The following PCDHA7 variants were observed in gnomAD, a reference collection of about 807,000 sequenced individuals.
PCDHA7 encodes protocadherin alpha 7, also known as protocadherin alpha-7.
In PCDHA7, 37 loss-of-function variants were observed where a neutral mutation model predicts 57.2. That is an observed-to-expected ratio of 0.65 (90% confidence interval 0.50 to 0.85). The LOEUF is 0.85. PCDHA7 is among the 40% of genes least tolerant of loss of function. The probability of loss-of-function intolerance (pLI) is 0.00; values close to 1 mark genes in which losing one functional copy is unlikely to be tolerated. For synonymous variants in PCDHA7, 553 were observed against 558.8 expected (o/e 0.99, Z 0.15); for missense variants, 1,188 against 1,241.8 (o/e 0.96, Z 0.65).
Position 140,868,882 on chromosome 5 carries a change from T to A in PCDHA7, c.2355+32144T>A. On this transcript the variant is annotated intron_variant, in intron 1 of 3. Transcript: ENST00000525929. Reference sequence around the variant, plus strand: ...TAAATGCAGTGCACAGTACTCACAGTTTTAGGCGCAAGGTGTCGCTCTTTA... The same window carrying A: ...TAAATGCAGTGCACAGTACTCACAGATTTAGGCGCAAGGTGTCGCTCTTTA... 4 of 715,192 alleles carry A rather than the reference T, an allele frequency of 5.6e-6. No homozygotes were observed. In the South Asian group the frequency reaches 8.5e-5, roughly 15 times the overall value. 44.3% of individuals were successfully genotyped at this position (715,192 alleles called of 1,614,324 possible).
chr5:140,898,808 C>T (rs1318586303), intron 1 of PCDHA7, among the ~76,000 whole-genome samples: 2 of 152,188 alleles, frequency 1.3e-5, no homozygotes, highest in Non-Finnish European at 2.9e-5. Context: ...GATACTGATT[C>T]TTCCTACCCA....
intron 1 of PCDHA7, chr5:140,862,804 C>A: frequency 5.2e-6 from 3 of 574,138 alleles, no homozygotes; most frequent in Non-Finnish European, 6.7e-6. Context: ...GCTGGAGCTG[C>A]TGCAGTTCTA....
intron 1 of PCDHA7, among the ~76,000 whole-genome samples, chr5:140,907,687 G>A (rs1554193091): frequency 6.6e-6 from 1 of 152,220 alleles, no homozygotes; most frequent in East Asian, 1.9e-4. Context: ...GCCTTGGTGA[G>A]TGGAAGTCCC....
intron 3 of PCDHA7, among the ~76,000 whole-genome samples, chr5:141,000,417 A>T (rs1334137638): frequency 1.8e-3 from 141 of 77,654 alleles, no homozygotes; most frequent in African/African-American, 4.6e-3. Context: ...ATATATATAT[A>T]TATATTTTTT....
chr5:140,996,237 G>T (rs1169717703), intron 3 of PCDHA7, among the ~76,000 whole-genome samples: 1 of 152,186 alleles, frequency 6.6e-6, no homozygotes, highest in Non-Finnish European at 1.5e-5. Context: ...GTTGCTCAAG[G>T]CTGAGAAGTG....
chr5:140,857,154 C>T (rs147581214), intron 1 of PCDHA7: 7 of 1,598,342 alleles, frequency 4.4e-6, no homozygotes, highest in Non-Finnish European at 6.0e-6. Flanking sequence ...ACCGTCATTG[C>T]CCTAATCAGC....
intron 1 of PCDHA7, chr5:140,881,303 C>A: frequency 2.1e-6 from 2 of 962,604 alleles, no homozygotes; most frequent in Non-Finnish European, 2.5e-6. Flanking sequence ...GAAACTTTAA[C>A]CTCCTGGTTA....
intron 1 of PCDHA7, chr5:140,853,670 T>G: frequency 1.0e-6 from 1 of 988,378 alleles, no homozygotes; most frequent in Non-Finnish European, 1.2e-6. Flanking sequence ...AATTGGGGCC[T>G]ATGGTCAACC....
chr5:140,870,355 T>C, intron 1 of PCDHA7: 7 of 1,614,110 alleles, frequency 4.3e-6, no homozygotes, highest in Non-Finnish European at 5.9e-6. Context: ...CGAGAACGTG[T>C]GGGCCTATGA....
At chr5:140,946,867 G>A (rs1194586546) in intron 1 of PCDHA7, among the ~76,000 whole-genome samples, 1 of 151,282 alleles carries the variant, frequency 6.6e-6, no homozygotes, top group Non-Finnish European at 1.5e-5. Context: ...GGAGAGGTTG[G>A]TCAATGGGTA....
chr5:140,834,888 A>G lies in PCDHA7; in HGVS notation c.505A>G (p.Thr169Ala), dbSNP rs2150228712. The G allele has an allele frequency of 1.2e-6, 2 of 1,605,238 alleles. No individual in the cohort carries two copies. The highest frequency in any genetic ancestry group is 1.4e-5 in the African/African-American group (1 of 73,122). Residue 169 changes from threonine to alanine, a missense_variant, in exon 1 of 4, where the codon ACT (threonine) becomes GCT (alanine). Physicochemically the swap from Thr to Ala is moderately conservative, Grantham distance 58 (BLOSUM62 0). Around this residue, in one of 3 missense-constraint regions of PCDHA7, gnomAD observed 102 missense variants for 267.4 expected, o/e 0.38. Coordinates refer to ENST00000525929, the MANE Select transcript of PCDHA7 (RefSeq NM_018910.3). ...DADIGENALL[T>A]YRLSPNEYFF... ...AGATATCGGGGAGAACGCCCTGCTC[A>G]CTTACAGACTGAGCCCCAATGAGTA...
intron 1 of PCDHA7, among the ~76,000 whole-genome samples, chr5:140,971,300 A>T (rs555201828): frequency 2.0e-5 from 3 of 152,380 alleles, no homozygotes; most frequent in African/African-American, 7.2e-5. Flanking sequence ...ACTTTGGTAC[A>T]CAAACATTTA....
intron 1 of PCDHA7, chr5:140,870,851 C>A: frequency 6.2e-7 from 1 of 1,613,838 alleles, no homozygotes; most frequent in Non-Finnish European, 8.5e-7. Flanking sequence ...GTACCGCGGT[C>A]GGTGGGTGCG....
At chr5:140,869,380 G>A (rs1315666503) in intron 1 of PCDHA7, 1 of 1,614,046 alleles carries the variant, frequency 6.2e-7, no homozygotes, top group African/African-American at 1.3e-5. Context: ...GATCGACCGC[G>A]AGGAGCTGTG....
chr5:140,925,455 T>TTG, intron 1 of PCDHA7, among the ~76,000 whole-genome samples: 1 of 152,222 alleles, frequency 6.6e-6, no homozygotes, highest in East Asian at 1.9e-4. Flanking sequence ...GGTGTATCTG[T>TTG]TGTGGCTCAG....
intron 1 of PCDHA7, among the ~76,000 whole-genome samples, chr5:140,952,415 C>T (rs138050953): frequency 7.9e-4 from 120 of 152,134 alleles, no homozygotes; most frequent in Admixed American, 1.6e-3. Context: ...TTTAATGTTC[C>T]GCAGATTCCT....
At position 140,925,553 on chromosome 5, in the gene PCDHA7, A is replaced by G. The variant is rs183194732; in HGVS notation, c.2356-53396A>G. 8.0e-3 allele frequency among the ~76,000 whole-genome samples: 1,211 copies of G among 152,074 alleles called. 7 individuals carry two copies. The highest frequency in any genetic ancestry group is 0.019 in the African/African-American group (785 of 41,482). On this transcript the variant is annotated intron_variant, in intron 1 of 3. Transcript: ENST00000525929. The stretch of plus-strand genomic sequence containing the variant: ...AGGAGAAATACCTAATGTAAATGAC[A>G]AGTTAATGGGTGCAGCACACCAACA...
chr5:140,962,269 T>A (rs1554225906), intron 1 of PCDHA7, among the ~76,000 whole-genome samples: 1 of 152,194 alleles, frequency 6.6e-6, no homozygotes, highest in Non-Finnish European at 1.5e-5. Flanking sequence ...TTTTATAATT[T>A]AAAAAACCTC....
intron 1 of PCDHA7, among the ~76,000 whole-genome samples, chr5:140,949,282 T>C (rs1308331025): frequency 6.6e-6 from 1 of 151,850 alleles, no homozygotes; most frequent in African/African-American, 2.4e-5. Flanking sequence ...GAAAAGAATG[T>C]ATATTCTGTA....
Sources: gnomAD v4.1 joint callset for allele counts (sites outside exome capture counted in the v4.1 genomes callset) on GRCh38, gnomAD v4.1.1 for gene constraint, gnomAD v4.1.1 regional missense constraint, MANE v1.5 for transcripts, NCBI Gene and HGNC (gene_info 2026-07-23, HGNC 2026-07-21) for gene names.